The following BCL2L14 variants were observed in gnomAD, a reference collection of about 807,000 sequenced individuals.
BCL2L14 encodes the protein apoptosis facilitator Bcl-2-like protein 14.
In BCL2L14, 27 loss-of-function variants were observed where a neutral mutation model predicts 35.3. The ratio of observed to expected loss-of-function variants is 0.76; its 90% CI spans 0.56 to 1.05. The LOEUF (loss-of-function observed/expected upper bound fraction) is 1.05. Among genes scored for constraint, BCL2L14 ranks in the 50% least tolerant of loss-of-function variants. BCL2L14 has a pLI of 0.00. For synonymous variants in BCL2L14, 139 were observed against 145.9 expected, an observed-to-expected ratio of 0.95 and a Z score of 0.34; for missense variants, 377 against 382.6, an observed-to-expected ratio of 0.99 and a Z score of 0.12.
At position 12,099,228 on chromosome 12, in the gene BCL2L14, A is replaced by T. The variant is rs1002399026; in HGVS notation, c.*240A>T. The T allele has an allele frequency of 5.8e-6, 3 of 516,746 alleles. No individual in the cohort carries two copies. In the East Asian group the frequency reaches 1.0e-4, roughly 17 times the overall value. 32.0% of individuals were successfully genotyped at this position (516,746 alleles called of 1,614,324 possible). ...AGGCCCTCCATTGAGAACCTGAGGA[A>T]ATCTGTAAAGATAAGTGGTGATGTT... is the stretch of plus-strand genomic sequence containing the variant. On this transcript the variant is annotated 3_prime_UTR_variant, in exon 6 of 6. Transcript: ENST00000308721.
At chr12:12,078,942 G>A (rs991887257) in intron 1 of BCL2L14, among the ~76,000 whole-genome samples, 3 of 152,142 alleles carry the variant, frequency 2.0e-5, no homozygotes, top group Admixed American at 6.5e-5. Flanking sequence ...GTCTACAGGC[G>A]TGCGCCACCA....
chr12:12,068,011 C>T, upstream of BCL2L14: 2 of 385,966 alleles, frequency 5.2e-6, no homozygotes, highest in Non-Finnish European at 9.1e-6. Context: ...TGGCTCATTG[C>T]AGCCTCAAGC....
intron 1 of BCL2L14, among the ~76,000 whole-genome samples, chr12:12,075,410 ATTCT>A (rs71057801): frequency 0.27 from 38,636 of 142,616 alleles, 5,020 homozygotes; most frequent in Middle Eastern, 0.35. Flanking sequence ...ATATGTTTCT[ATTCT>A]TTCTTTCTTT....
chr12:12,097,992 G>T (rs1378299915), intron 5 of BCL2L14, among the ~76,000 whole-genome samples: 1 of 152,086 alleles, frequency 6.6e-6, no homozygotes, highest in Non-Finnish European at 1.5e-5. Context: ...GAGCATGTCA[G>T]TGGAAATTAG....
intron 2 of BCL2L14, among the ~76,000 whole-genome samples, chr12:12,080,974 A>G (rs1462921221): frequency 6.6e-6 from 1 of 152,194 alleles, no homozygotes; most frequent in Non-Finnish European, 1.5e-5. Context: ...GGTTGAGCTC[A>G]GGAGTTCAAG....
chr12:12,053,065 A>G (rs1948380566), intron 2 of BCL2L14, among the ~76,000 whole-genome samples: 1 of 152,192 alleles, frequency 6.6e-6, no homozygotes, highest in Non-Finnish European at 1.5e-5. Context: ...AATGACAATG[A>G]TGATGGTACC....
chr12:12,079,216 G>A, intron 1 of BCL2L14, 83 bp from the exon 2 acceptor site: 1 of 1,169,568 alleles, frequency 8.6e-7, no homozygotes. Context: ...AATGTTTCCT[G>A]AGTTTTCACC....
intron 4 of BCL2L14, among the ~76,000 whole-genome samples, chr12:12,091,228 C>T (rs1949182255): frequency 6.6e-6 from 1 of 152,148 alleles, no homozygotes; most frequent in East Asian, 1.9e-4. Context: ...CTGTGTCCCA[C>T]AGTTGCTCCA....
At chr12:12,054,286 T>C (rs1454362741) in intron 2 of BCL2L14, among the ~76,000 whole-genome samples, 2 of 152,152 alleles carry the variant, frequency 1.3e-5, no homozygotes. Context: ...GTGGATCACC[T>C]GAAGTCAGGA....
At chr12:12,074,719 G>A (rs1243128813) in intron 1 of BCL2L14, among the ~76,000 whole-genome samples, 6 of 152,302 alleles carry the variant, frequency 3.9e-5, no homozygotes, top group East Asian at 3.9e-4. Context: ...GATTACAGGC[G>A]TGAGCCACCG....
chr12:12,052,308 T>C (rs1045055081), intron 2 of BCL2L14, among the ~76,000 whole-genome samples: 1 of 152,240 alleles, frequency 6.6e-6, no homozygotes, highest in African/African-American at 2.4e-5. Flanking sequence ...ATAGTTACCA[T>C]GCTGTGCAAT....
At chr12:12,089,862 T>TA (rs1187095652) in intron 3 of BCL2L14, among the ~76,000 whole-genome samples, 1 of 152,210 alleles carries the variant, frequency 6.6e-6, no homozygotes, top group African/African-American at 2.4e-5. Context: ...TTTAGTCAGA[T>TA]AAAATCCATC....
chr12:12,099,289 C>T lies in BCL2L14; in HGVS notation c.*301C>T. ...TTCAGAACAGATACCATCATCCTGCCTTTGTTAGCTGCTGTAGGGAAAGTG... is the reference window on the plus strand; with the variant it reads ...TTCAGAACAGATACCATCATCCTGCTTTTGTTAGCTGCTGTAGGGAAAGTG... On this transcript the variant is annotated 3_prime_UTR_variant, in exon 6 of 6. Coordinates refer to ENST00000308721, the MANE Select transcript of BCL2L14 (RefSeq NM_138723.2). 2.8e-6 allele frequency: 1 copy of T among 358,294 alleles called. No homozygotes were observed. Among genetic ancestry groups the T allele is most frequent in the Non-Finnish European group, 5.1e-6 (1 of 196,630 alleles). 22.2% of individuals were successfully genotyped at this position (358,294 alleles called of 1,614,324 possible).
chr12:12,056,815 G>GACCT (rs1422443732), intron 2 of BCL2L14, among the ~76,000 whole-genome samples: 3 of 152,056 alleles, frequency 2.0e-5, no homozygotes, highest in Non-Finnish European at 4.4e-5. Flanking sequence ...CAGCCTGGAC[G>GACCT]ACAAGAGCGA....
At chr12:12,059,943 C>T (rs1291503624) in intron 2 of BCL2L14, among the ~76,000 whole-genome samples, 1 of 152,108 alleles carries the variant, frequency 6.6e-6, no homozygotes, top group Non-Finnish European at 1.5e-5. Flanking sequence ...ACATCCGTCC[C>T]TCTCTAGTCT....
Position 12,098,931 on chromosome 12 carries a change from AC to A in BCL2L14, c.946-17del, listed in dbSNP as rs1238590554. 1.3e-6 allele frequency: 2 copies of A among 1,549,780 alleles called. No homozygotes were observed. The highest frequency in any genetic ancestry group is 2.7e-5 in the African/African-American group (2 of 73,716). Reference sequence around the variant, plus strand: ...GTAAATCTAACTTGGAATTTTAAGAACCTATTTTTCCCCTCTAGGAAAAAAT... The same window carrying A: ...GTAAATCTAACTTGGAATTTTAAGAACTATTTTTCCCCTCTAGGAAAAAAT... On this transcript the variant is annotated intron_variant, in intron 5 of 5. Transcript: ENST00000308721.
intron 1 of BCL2L14, among the ~76,000 whole-genome samples, chr12:12,078,513 A>C (rs1488331067): frequency 1.3e-5 from 2 of 152,226 alleles, no homozygotes; most frequent in Non-Finnish European, 2.9e-5. Flanking sequence ...GTGCTAGTTC[A>C]CTTATTTTCC....
chr12:12,072,957 G>A (rs1252102782), intron 1 of BCL2L14, among the ~76,000 whole-genome samples: 1 of 151,864 alleles, frequency 6.6e-6, no homozygotes, highest in Non-Finnish European at 1.5e-5. Flanking sequence ...CGCGATCATA[G>A]CTCACTGCAG....
chr12:12,093,221 G>A (rs1482883133), intron 4 of BCL2L14, among the ~76,000 whole-genome samples: 2 of 152,196 alleles, frequency 1.3e-5, no homozygotes, highest in African/African-American at 2.4e-5. Context: ...GTTTTTTTAA[G>A]TGAACATTGC....
Sources: gnomAD v4.1 joint callset for allele counts (sites outside exome capture counted in the v4.1 genomes callset) on GRCh38, gnomAD v4.1.1 for gene constraint, MANE v1.5 for transcripts, NCBI Gene and HGNC (gene_info 2026-07-23, HGNC 2026-07-21) for gene names.